Variants in TMEM181 observed in about 807,000 individuals in gnomAD.
TMEM181 encodes transmembrane protein 181, also known as G protein-coupled receptor 178.
Under a neutral mutation model 71.9 loss-of-function variants are expected in TMEM181, and 39 were observed. The observed-to-expected ratio is 0.54, with a 90% confidence interval of 0.42 to 0.71. TMEM181 has a LOEUF of 0.71. TMEM181 is among the 30% of genes least tolerant of loss of function. The pLI, the probability that TMEM181 is intolerant of heterozygous loss-of-function variation, is 0.00. For synonymous variants in TMEM181, 245 were observed against 228.8 expected (o/e 1.07, Z -0.64); for missense variants, 595 against 583.0 (o/e 1.02, Z -0.21).
chr6:158,604,200 G>C lies in TMEM181; in HGVS notation c.493-1067G>C, dbSNP rs367783519. ...CTGTCTCCCTGGACTCCCAGCCGTG[G>C]CTCTGCCTGGGTTCCCCTCCATGAT... On this transcript the variant is annotated intron_variant, in intron 6 of 16. Coordinates refer to ENST00000684151, the MANE Select transcript of TMEM181 (RefSeq NM_001376852.1). Among the ~76,000 whole-genome samples, 3 of 152,218 alleles carry C rather than the reference G, an allele frequency of 2.0e-5. No individual in the cohort carries two copies. In the South Asian group the frequency reaches 6.2e-4, roughly 32 times the overall value.
intron 10 of TMEM181, chr6:158,610,078 C>T (rs957344263): frequency 6.4e-5 from 14 of 219,868 alleles, no homozygotes; most frequent in Admixed American, 5.8e-4. Flanking sequence ...CCAGCAGATC[C>T]TCGTCAGCTT....
At chr6:158,584,487 A>G (rs1582986202) in intron 4 of TMEM181, among the ~76,000 whole-genome samples, 2 of 152,324 alleles carry the variant, frequency 1.3e-5, no homozygotes, top group South Asian at 2.1e-4. Flanking sequence ...CACTTTCACA[A>G]CAAGGAATTA....
chr6:158,578,911 T>C (rs921776240), intron 2 of TMEM181, among the ~76,000 whole-genome samples: 2 of 152,184 alleles, frequency 1.3e-5, no homozygotes, highest in Non-Finnish European at 2.9e-5. Flanking sequence ...GCCATGCAAA[T>C]AGCACCACAT....
intron 1 of TMEM181, among the ~76,000 whole-genome samples, chr6:158,544,184 T>TGTGTGTGTGTGTGTGG (rs1781449585): frequency 1.0e-5 from 1 of 98,146 alleles, no homozygotes; most frequent in Non-Finnish European, 2.3e-5. Flanking sequence ...TTGGAGAGAG[T>TGTGTGTGTGTGTGTGG]GTGTGTGTGT....
At chr6:158,567,295 G>C (rs139768129) in intron 1 of TMEM181, among the ~76,000 whole-genome samples, 1 of 152,174 alleles carries the variant, frequency 6.6e-6, no homozygotes, top group Non-Finnish European at 1.5e-5. Context: ...ATGCTGACCC[G>C]GCTGGGCAGG....
chr6:158,614,120 T>C lies in TMEM181; in HGVS notation c.896+5370T>C, dbSNP rs987614354. Among the ~76,000 whole-genome samples, 6 of 152,354 alleles carry C rather than the reference T, an allele frequency of 3.9e-5. No homozygotes were observed. The South Asian group carries it at 1.2e-3, about 32-fold the overall frequency. ...ATTGGACATTATCTTGACAATTTCA[T>C]GTACCTAAACATGTTAAATAATCCT... On this transcript the variant is annotated intron_variant, in intron 10 of 16. Transcript: ENST00000684151.
chr6:158,562,477 T>TG (rs58535447), intron 1 of TMEM181, among the ~76,000 whole-genome samples: 7,192 of 107,542 alleles, frequency 0.067, 304 homozygotes, highest in East Asian at 0.27. Context: ...TGTGTGTGTC[T>TG]TGCTTGGCAC....
chr6:158,622,299 T>TATG (rs1786010795), intron 10 of TMEM181, among the ~76,000 whole-genome samples: 1 of 152,208 alleles, frequency 6.6e-6, no homozygotes, highest in South Asian at 2.1e-4. Context: ...CCTGTATTCT[T>TATG]ATGATGATGA....
At chr6:158,598,861 G>A (rs1313418818) in intron 6 of TMEM181, among the ~76,000 whole-genome samples, 1 of 151,992 alleles carries the variant, frequency 6.6e-6, no homozygotes, top group Admixed American at 6.6e-5. Context: ...TTTTAGTAGA[G>A]ATGGGGTTTC....
At chr6:158,626,988 A>T (rs762633442) in intron 13 of TMEM181, among the ~76,000 whole-genome samples, 12 of 123,868 alleles carry the variant, frequency 9.7e-5, no homozygotes, top group Non-Finnish European at 1.5e-4. Flanking sequence ...TCACTCACAC[A>T]CCCTCACTCT....
Position 158,635,414 on chromosome 6 carries a change from A to G in TMEM181, c.*3526A>G, listed in dbSNP as rs1308232189. On this transcript the variant is annotated 3_prime_UTR_variant, in exon 17 of 17. Coordinates refer to ENST00000684151, the MANE Select transcript of TMEM181 (RefSeq NM_001376852.1). ...CACTACCTTTCTGGGAAATGTTAAT[A>G]AATTTTTAATATTCACTTCTATGTG... 2.0e-5 allele frequency: 3 copies of G among 152,234 alleles called. No homozygotes were observed. Among genetic ancestry groups the G allele is most frequent in the Non-Finnish European group, 4.4e-5 (3 of 68,046 alleles). 9.4% of individuals were successfully genotyped at this position (152,234 alleles called of 1,614,324 possible). A position where few individuals can be genotyped will look rare whatever the true frequency, so the allele number is the denominator to read the frequency against.
intron 1 of TMEM181, among the ~76,000 whole-genome samples, chr6:158,553,162 TG>T (rs1203497094): frequency 2.7e-5 from 4 of 148,524 alleles, no homozygotes; most frequent in African/African-American, 1.0e-4. Flanking sequence ...CACTCCAGCC[TG>T]GGCGACAGAG....
intron 11 of TMEM181, among the ~76,000 whole-genome samples, chr6:158,624,331 G>C (rs530718952): frequency 8.7e-6 from 1 of 114,460 alleles, no homozygotes; most frequent in Non-Finnish European, 1.9e-5. Context: ...TCACTTAGGT[G>C]CTTTTGAGAA....
chr6:158,571,966 C>G (rs1284919219), intron 1 of TMEM181, among the ~76,000 whole-genome samples: 1 of 152,230 alleles, frequency 6.6e-6, no homozygotes, highest in Admixed American at 6.5e-5. Context: ...CACCTCCTTC[C>G]CCAGCTCTCT....
intron 8 of TMEM181, 71 bp downstream of exon 8, chr6:158,607,414 G>A (rs2128316543): frequency 7.0e-7 from 1 of 1,431,406 alleles, no homozygotes; most frequent in South Asian, 1.2e-5. Flanking sequence ...GTGCAGGGTT[G>A]TGCCTGTCAT....
intron 6 of TMEM181, among the ~76,000 whole-genome samples, chr6:158,601,418 A>G (rs1784663271): frequency 6.6e-6 from 1 of 152,066 alleles, no homozygotes; most frequent in Non-Finnish European, 1.5e-5. Flanking sequence ...ATGGTGGCAC[A>G]TGCCTGTAAT....
chr6:158,565,953 C>G (rs1390413110), intron 1 of TMEM181, among the ~76,000 whole-genome samples: 1 of 152,198 alleles, frequency 6.6e-6, no homozygotes, highest in African/African-American at 2.4e-5. Flanking sequence ...TTCCCGGCAC[C>G]TCGAGACAGG....
At chr6:158,631,416 G>A in intron 16 of TMEM181, 27 bp downstream of exon 16, 3 of 1,611,834 alleles carry the variant, frequency 1.9e-6, no homozygotes, top group Admixed American at 1.7e-5. Flanking sequence ...TAGAAGGCCG[G>A]CACACCTTGG....
At chr6:158,579,805 A>G (rs181613776) in intron 2 of TMEM181, among the ~76,000 whole-genome samples, 4 of 152,342 alleles carry the variant, frequency 2.6e-5, no homozygotes, top group African/African-American at 9.6e-5. Flanking sequence ...TATACTAAGT[A>G]AAATAAGCCA....
Sources: allele counts gnomAD v4.1 joint callset (sites outside exome capture counted in the v4.1 genomes callset), GRCh38; gene constraint gnomAD v4.1.1; transcripts MANE v1.5; gene names NCBI Gene and HGNC (gene_info 2026-07-23, HGNC 2026-07-21).